The following DOK6 variants were observed in gnomAD, a reference collection of about 807,000 sequenced individuals.
DOK6 encodes docking protein 6, also known as downstream of tyrosine kinase 6.
A neutral mutation model predicts 44.0 loss-of-function variants in DOK6; 22 were observed. The ratio of observed to expected loss-of-function variants is 0.50; its 90% CI spans 0.36 to 0.71. The LOEUF (loss-of-function observed/expected upper bound fraction) is 0.71. Ranked by LOEUF, DOK6 falls within the 30% of genes least tolerant of loss-of-function variation. DOK6 has a pLI of 0.00. For synonymous variants in DOK6, 166 were observed against 145.5 expected (o/e 1.14, Z -1.01); for missense variants, 340 against 416.4 (o/e 0.82, Z 1.60).
chr18:69,440,691 A>C (rs2122440906), intron 1 of DOK6, among the ~76,000 whole-genome samples: 1 of 152,092 alleles, frequency 6.6e-6, no homozygotes, highest in Non-Finnish European at 1.5e-5. Flanking sequence ...TCTCTCCAAT[A>C]TCTCACTTTT....
In DOK6 at chr18:69,773,932, A is replaced by C. The variant is rs188042795; in HGVS notation, c.856+16059A>C. Among the ~76,000 whole-genome samples, 140 of 151,448 alleles carry C rather than the reference A, an allele frequency of 9.2e-4. 2 individuals are homozygous for C. The highest frequency in any genetic ancestry group is 3.3e-3 in the African/African-American group (136 of 41,376). ...ATTGGGTACCTACCCAGAGGAAAAG[A>C]AGTCATTATACAAAAAAAAGATACT... On this transcript the variant is annotated intron_variant, in intron 7 of 7. Transcript: ENST00000382713.
In DOK6 at chr18:69,841,536, C is replaced by G; in HGVS notation, c.*153C>G. On this transcript the variant is annotated 3_prime_UTR_variant, in exon 8 of 8. Coordinates refer to ENST00000382713, the MANE Select transcript of DOK6 (RefSeq NM_152721.6). ...CATTGGAAGGTTAAAAACTGGAGTT[C>G]TGCTTCCTTGATTCAGTGGCTAAGT... 1 of 1,025,896 alleles carries G rather than the reference C, an allele frequency of 9.7e-7. No homozygotes were observed. The allele number at this position is 1,025,896 out of a possible 1,614,324, so 63.5% of individuals were successfully genotyped here. A position where few individuals can be genotyped will look rare whatever the true frequency, so the allele number is the denominator to read the frequency against.
At chr18:69,520,152 T>G (rs1981645677) in intron 1 of DOK6, among the ~76,000 whole-genome samples, 1 of 151,788 alleles carries the variant, frequency 6.6e-6, no homozygotes, top group Non-Finnish European at 1.5e-5. Context: ...TAAAGAGAAT[T>G]TATGCACTTA....
At chr18:69,763,887 T>A (rs1474682065) in intron 7 of DOK6, among the ~76,000 whole-genome samples, 1 of 152,184 alleles carries the variant, frequency 6.6e-6, no homozygotes, top group African/African-American at 2.4e-5. Context: ...CTAAAGTGAA[T>A]TAGCAATGCA....
At chr18:69,446,230 C>G (rs1290083251) in intron 1 of DOK6, among the ~76,000 whole-genome samples, 55 of 131,052 alleles carry the variant, frequency 4.2e-4, no homozygotes, top group African/African-American at 1.5e-3. Context: ...CGACAGGCCC[C>G]AGTGTGTGAT....
chr18:69,691,184 AAAATAAATAAATAAATAAATAAAT>A (rs149335802), intron 4 of DOK6, among the ~76,000 whole-genome samples: 1 of 140,412 alleles, frequency 7.1e-6, no homozygotes, highest in Admixed American at 7.1e-5. Context: ...ACTCTGTCTC[AAAATAAATAAATAAATAAATAAAT>A]AAATAAATAA....
intron 7 of DOK6, among the ~76,000 whole-genome samples, chr18:69,812,213 G>A (rs1467966806): frequency 6.6e-6 from 1 of 152,008 alleles, no homozygotes; most frequent in Non-Finnish European, 1.5e-5. Context: ...GTAATTTCAT[G>A]TTTGTTGTTC....
intron 1 of DOK6, among the ~76,000 whole-genome samples, chr18:69,442,582 TA>T (rs1370272127): frequency 6.6e-6 from 1 of 152,178 alleles, no homozygotes; most frequent in Admixed American, 6.6e-5. Flanking sequence ...ATGTGGGGAT[TA>T]CAATTTGGAT....
chr18:69,405,436 G>C (rs994872553), intron 1 of DOK6, among the ~76,000 whole-genome samples: 1 of 152,012 alleles, frequency 6.6e-6, no homozygotes, highest in Admixed American at 6.6e-5. Context: ...GAAAGTCAGC[G>C]GGGTCTGGTG....
At chr18:69,615,188 C>G (rs1186355817) in intron 3 of DOK6, among the ~76,000 whole-genome samples, 1 of 152,096 alleles carries the variant, frequency 6.6e-6, no homozygotes, top group Non-Finnish European at 1.5e-5. Context: ...AGGAGAAAAT[C>G]AATTTTATTG....
At chr18:69,443,839 CTCCTGTAGTCATCATAGTCCTCACG>C (rs954791340) in intron 1 of DOK6, among the ~76,000 whole-genome samples, 2 of 152,094 alleles carry the variant, frequency 1.3e-5, no homozygotes, top group African/African-American at 4.8e-5. Context: ...CAGATACCAC[CTCCTGTAGTCATCATAGTCCTCACG>C]TTCAGAGTGG....
At chr18:69,444,032 G>GTA (rs1568259670) in intron 1 of DOK6, among the ~76,000 whole-genome samples, 1 of 151,994 alleles carries the variant, frequency 6.6e-6, no homozygotes, top group Non-Finnish European at 1.5e-5. Flanking sequence ...ATGCATGTGT[G>GTA]TATATATATG....
intron 1 of DOK6, among the ~76,000 whole-genome samples, chr18:69,491,992 A>G (rs1046538016): frequency 6.6e-6 from 1 of 152,202 alleles, no homozygotes; most frequent in African/African-American, 2.4e-5. Context: ...AGATAGTTTT[A>G]TTATGGCTAT....
chr18:69,767,612 G>C (rs1382918197), intron 7 of DOK6, among the ~76,000 whole-genome samples: 3 of 151,806 alleles, frequency 2.0e-5, no homozygotes, highest in Admixed American at 1.3e-4. Flanking sequence ...CCCCAAATCA[G>C]TTCTTACTAA....
rs1979834439 is a variant in DOK6 at position 69,463,247 on chromosome 18, C to T, written c.66+61937C>T. 2.6e-5 allele frequency among the ~76,000 whole-genome samples: 4 copies of T among 152,240 alleles called. No homozygotes were observed. The South Asian group carries it at 8.3e-4, about 32-fold the overall frequency. On this transcript the variant is annotated intron_variant, in intron 1 of 7. Coordinates refer to ENST00000382713, the MANE Select transcript of DOK6 (RefSeq NM_152721.6). ...GGCCTAATCATGAAGGTTCTGCCCT[C>T]TGTACCTAATAACCTCCCCAGGGCC...
intron 5 of DOK6, among the ~76,000 whole-genome samples, chr18:69,731,105 A>AT (rs1285062889): frequency 6.6e-6 from 1 of 152,128 alleles, no homozygotes; most frequent in East Asian, 1.9e-4. Context: ...ACTAAAAAAA[A>AT]TGTGGTACTT....
At chr18:69,456,649 C>T (rs1979641304) in intron 1 of DOK6, among the ~76,000 whole-genome samples, 1 of 152,096 alleles carries the variant, frequency 6.6e-6, no homozygotes, top group Non-Finnish European at 1.5e-5. Context: ...GATTTATATT[C>T]TTTTGGGTCT....
intron 1 of DOK6, among the ~76,000 whole-genome samples, chr18:69,425,503 T>C (rs1339329684): frequency 1.3e-5 from 2 of 152,062 alleles, no homozygotes; most frequent in African/African-American, 2.4e-5. Flanking sequence ...TTCTCAATTA[T>C]CCCACAATGA....
intron 4 of DOK6, among the ~76,000 whole-genome samples, chr18:69,686,862 C>T (rs1199202192): frequency 6.6e-6 from 1 of 151,860 alleles, no homozygotes; most frequent in African/African-American, 2.4e-5. Context: ...ATTACACAGT[C>T]ATACTCAAGG....
Sources: gnomAD v4.1 joint callset for allele counts (sites outside exome capture counted in the v4.1 genomes callset) on GRCh38, gnomAD v4.1.1 for gene constraint, MANE v1.5 for transcripts, NCBI Gene and HGNC (gene_info 2026-07-23, HGNC 2026-07-21) for gene names.